Variants in ABHD6 observed in about 807,000 individuals in gnomAD.
The protein encoded by ABHD6 is monoacylglycerol lipase ABHD6.
Under a neutral mutation model 38.8 loss-of-function variants are expected in ABHD6, and 33 were observed. That is an observed-to-expected ratio of 0.85 (90% CI 0.64 to 1.14). The LOEUF (loss-of-function observed/expected upper bound fraction) is 1.14, where lower values mean the gene tolerates loss of function less well. ABHD6 is among the 50% of genes most tolerant of loss of function. The probability of loss-of-function intolerance (pLI) is 0.00; values close to 1 mark genes in which losing one functional copy is unlikely to be tolerated. For missense variants in ABHD6, 380 were observed against 422.6 expected (o/e 0.90, Z 0.88); for synonymous variants, 147 against 161.6 (o/e 0.91, Z 0.69).
intron 1 of ABHD6, among the ~76,000 whole-genome samples, chr3:58,244,037 A>G (rs986989912): frequency 2.6e-5 from 4 of 152,116 alleles, no homozygotes; most frequent in African/African-American, 7.2e-5. Flanking sequence ...TTCATCATCT[A>G]TCCCTCTGTT....
chr3:58,293,499 G>A lies in ABHD6; in HGVS notation c.838-90G>A. On this transcript the variant is annotated intron_variant, in intron 9 of 9. Transcript: ENST00000478253. The surrounding 1 kb of genome is among the most constrained non-coding windows in gnomAD (Gnocchi z 4.4). Reference sequence around the variant, plus strand: ...ACATCCTCCTGCCCCACTGACCCCTGCCAGGCCTTGGTGGAAGTTCTGTCC... The same window carrying A: ...ACATCCTCCTGCCCCACTGACCCCTACCAGGCCTTGGTGGAAGTTCTGTCC... 1 of 1,437,020 alleles carries A rather than the reference G, an allele frequency of 7.0e-7. No homozygotes were observed. Among genetic ancestry groups the A allele is most frequent in the African/African-American group, 1.4e-5 (1 of 71,096 alleles). 89.0% of individuals were successfully genotyped at this position (1,437,020 alleles called of 1,614,324 possible). A position where few individuals can be genotyped will look rare whatever the true frequency, so the allele number is the denominator to read the frequency against.
intron 7 of ABHD6, among the ~76,000 whole-genome samples, chr3:58,282,946 A>T (rs1432099443): frequency 1.3e-5 from 2 of 152,184 alleles, no homozygotes; most frequent in Non-Finnish European, 2.9e-5. Flanking sequence ...ATTGAAGGTT[A>T]TGGGACTGAA....
chr3:58,247,164 G>A (rs1357775022), intron 1 of ABHD6, among the ~76,000 whole-genome samples: 2 of 151,752 alleles, frequency 1.3e-5, no homozygotes, highest in Non-Finnish European at 2.9e-5. Context: ...CACCACGCCT[G>A]GCTAATTTTT....
At position 58,266,056 on chromosome 3, in the gene ABHD6, AC is replaced by A. The variant is rs1369853531; in HGVS notation, c.120-1132del. 6.6e-6 allele frequency among the ~76,000 whole-genome samples: 1 copy of A among 152,248 alleles called. No homozygotes were observed. The highest frequency in any genetic ancestry group is 2.4e-5 in the African/African-American group (1 of 41,460). Reference sequence around the variant, plus strand: ...GTGTTATGATTTAGAATTTTGAAATACGCTTGCCTTGCTGTAAGAAGAGCTT... The same window carrying A: ...GTGTTATGATTTAGAATTTTGAAATAGCTTGCCTTGCTGTAAGAAGAGCTT... On this transcript the variant is annotated intron_variant, in intron 3 of 9. Transcript: ENST00000478253. The surrounding 1 kb of genome is among the most constrained non-coding windows in gnomAD (Gnocchi z 4.0).
rs937581697 is a variant in ABHD6, at chr3:58,274,818, A to G, written c.681+3A>G. 4 of 1,612,552 alleles carry G rather than the reference A, an allele frequency of 2.5e-6. No homozygotes were observed. The highest frequency in any genetic ancestry group is 1.3e-5 in the African/African-American group (1 of 74,900). ...TCCGCTTCAAGGTGCCCCAGCAGGT[A>G]ACGTGGTTGCAGCAGCGACACAACT... On this transcript the variant is annotated splice_donor_region_variant and intron_variant, in intron 7 of 9. Transcript: ENST00000478253.
Position 58,274,784 on chromosome 3 carries a change from G to C in ABHD6, c.650G>C (p.Cys217Ser). 1 of 1,614,162 alleles carries C rather than the reference G, an allele frequency of 6.2e-7. No individual in the cohort carries two copies. The highest frequency in any genetic ancestry group is 8.5e-7 in the Non-Finnish European group (1 of 1,180,006). The change falls in exon 7 of 10, where the codon TGC becomes TCC. Residue 217 changes from cysteine to serine, a missense_variant. Transcript: ENST00000478253. ...GAGATGAGTGAAATGCTTCAGCTCT[G>C]CTCCTATGTCCGCTTCAAGGTGCCC... Reference protein sequence around the residue: ...PEEMSEMLQLCSYVRFKVPQQ... With the variant: ...PEEMSEMLQLSSYVRFKVPQQ...
rs370019578 is a variant in ABHD6, at chr3:58,259,915, C to T, written c.119+3210C>T. On this transcript the variant is annotated intron_variant, in intron 3 of 9. Transcript: ENST00000478253. This position sits in a 1 kb window ranked among gnomAD's most constrained non-coding sequence, Gnocchi z 4.7. Reference sequence around the variant, plus strand: ...TCTTTTTAGATGTGCCCATTACGGACATTTCACGTAAACGGGGTTATACAT... The same window carrying T: ...TCTTTTTAGATGTGCCCATTACGGATATTTCACGTAAACGGGGTTATACAT... Among the ~76,000 whole-genome samples the T allele has an allele frequency of 3.3e-4, 51 of 152,248 alleles. No homozygotes were observed. The East Asian group carries it at 4.4e-3, about 13-fold the overall frequency.
chr3:58,246,791 T>G (rs1216389711), intron 1 of ABHD6, among the ~76,000 whole-genome samples: 1 of 152,152 alleles, frequency 6.6e-6, no homozygotes, highest in East Asian at 1.9e-4. Context: ...AAATTTAAAT[T>G]CCTATCTTCT....
At chr3:58,246,675 C>T (rs186283395) in intron 1 of ABHD6, among the ~76,000 whole-genome samples, 7 of 152,172 alleles carry the variant, frequency 4.6e-5, no homozygotes, top group African/African-American at 1.7e-4. Context: ...GAGAGTGAAC[C>T]ATCTAATCAG....
At chr3:58,275,485 A>G (rs1244191714) in intron 7 of ABHD6, among the ~76,000 whole-genome samples, 1 of 151,820 alleles carries the variant, frequency 6.6e-6, no homozygotes, top group Non-Finnish European at 1.5e-5. Context: ...GTGCGCCACC[A>G]CGCCTGGCTA....
intron 2 of ABHD6, among the ~76,000 whole-genome samples, chr3:58,254,580 A>C (rs1235735313): frequency 6.6e-6 from 1 of 152,096 alleles, no homozygotes; most frequent in African/African-American, 2.4e-5. Flanking sequence ...CATATGGGAG[A>C]GATCACTCCA....
intron 6 of ABHD6, 136 bp downstream of exon 6, chr3:58,271,200 C>T (rs2097444605): frequency 1.1e-6 from 1 of 933,918 alleles, no homozygotes; most frequent in East Asian, 3.1e-5. Flanking sequence ...TTACTGATAA[C>T]TCTAACCAAC....
chr3:58,283,620 G>T (rs1199796909), intron 7 of ABHD6, among the ~76,000 whole-genome samples: 1 of 152,226 alleles, frequency 6.6e-6, no homozygotes, highest in Non-Finnish European at 1.5e-5. Context: ...TGATGTGCCA[G>T]TGCACAGATG....
intron 1 of ABHD6, among the ~76,000 whole-genome samples, chr3:58,241,698 C>T (rs2097422932): frequency 6.6e-6 from 1 of 152,200 alleles, no homozygotes; most frequent in African/African-American, 2.4e-5. Flanking sequence ...AGACCCTGCC[C>T]AGAGACTACT....
rs2097447417 is a variant in ABHD6, at chr3:58,274,631, C to G, written c.524-27C>G. The G allele has an allele frequency of 2.5e-6, 4 of 1,605,884 alleles. No homozygotes were observed. In the African/African-American group the frequency reaches 5.4e-5, roughly 22 times the overall value. ...ATTGGTAAGAAGGTGGATGTATCATCAAGCCATTTGGGTTTGAATCCCACA... is the reference window on the plus strand; with the variant it reads ...ATTGGTAAGAAGGTGGATGTATCATGAAGCCATTTGGGTTTGAATCCCACA... On this transcript the variant is annotated intron_variant, in intron 6 of 9. Coordinates refer to ENST00000478253, the MANE Select transcript of ABHD6 (RefSeq NM_001320126.2).
In ABHD6 at chr3:58,271,006, G is replaced by A. The variant is rs767336338; in HGVS notation, c.465G>A (p.Gly155=). The change falls in exon 6 of 10, where the codon GGG becomes GGA. Residue 155 remains glycine (G), a synonymous_variant. Coordinates refer to ENST00000478253, the MANE Select transcript of ABHD6 (RefSeq NM_001320126.2). Reference sequence around the variant, plus strand: ...CCTCCATGGGTGGCCAGGTGGCTGGGGTGTATGCTGCTTACTACCCATCGG... The same window carrying A: ...CCTCCATGGGTGGCCAGGTGGCTGGAGTGTATGCTGCTTACTACCCATCGG... ...VGTSMGGQVA[G]VYAAYYPSDV... 4 of 1,612,864 alleles carry A rather than the reference G, an allele frequency of 2.5e-6. No individual in the cohort carries two copies. In the Admixed American group the frequency reaches 6.7e-5, roughly 27 times the overall value.
In ABHD6 at chr3:58,267,078, G is replaced by A. The variant is rs1313859616; in HGVS notation, c.120-111G>A. ...CTGATGGAGGACAAGGGCTGGAGAA[G>A]TGTTTGTGTTATCACTAAGGAAGAC... is the stretch of plus-strand genomic sequence containing the variant. On this transcript the variant is annotated intron_variant, in intron 3 of 9. Transcript: ENST00000478253. This position sits in a 1 kb window ranked among gnomAD's most constrained non-coding sequence, Gnocchi z 4.3. 12 of 1,172,228 alleles carry A rather than the reference G, an allele frequency of 1.0e-5. No individual in the cohort carries two copies. Among genetic ancestry groups the A allele is most frequent in the African/African-American group, 1.5e-5 (1 of 64,944 alleles). The allele number at this position is 1,172,228 out of a possible 1,614,324, so 72.6% of individuals were successfully genotyped here.
intron 3 of ABHD6, chr3:58,258,275 C>G (rs141117452): frequency 2.8e-6 from 1 of 356,888 alleles, no homozygotes; most frequent in African/African-American, 2.2e-5. Flanking sequence ...CCATTGCACT[C>G]CAGCCTGGGC....
chr3:58,269,401 G>A lies in ABHD6; in HGVS notation c.357G>A (p.Leu119=), dbSNP rs763105411. The change falls in exon 5 of 10, where the codon CTG becomes CTA. Residue 119 remains leucine, a synonymous_variant. Coordinates refer to ENST00000478253, the MANE Select transcript of ABHD6 (RefSeq NM_001320126.2). This position sits in a 1 kb window ranked among gnomAD's most constrained non-coding sequence, Gnocchi z 4.4. ...EGTTRSSLDD[L]SIDGQVKRIH... ...CCACCCGCTCCTCCCTGGATGACCT[G>A]TCCATAGATGGGCAAGTTAAGAGGA... 2 of 1,613,886 alleles carry A rather than the reference G, an allele frequency of 1.2e-6. No homozygotes were observed. Among genetic ancestry groups the A allele is most frequent in the African/African-American group, 1.3e-5 (1 of 75,038 alleles).
Sources: gnomAD v4.1 joint callset for allele counts (sites outside exome capture counted in the v4.1 genomes callset) on GRCh38, gnomAD v4.1.1 for gene constraint, Gnocchi (gnomAD v3.1) non-coding constraint, MANE v1.5 for transcripts, NCBI Gene and HGNC (gene_info 2026-07-23, HGNC 2026-07-21) for gene names.